The following PARD3B variants were observed in gnomAD, a reference collection of about 807,000 sequenced individuals.
The protein encoded by PARD3B is par-3 family cell polarity regulator beta.
A neutral mutation model predicts 130.2 loss-of-function variants in PARD3B; 103 were observed. The ratio of observed to expected loss-of-function variants is 0.79; its 90% CI spans 0.67 to 0.93. The LOEUF (loss-of-function observed/expected upper bound fraction) is 0.93, where lower values mean the gene tolerates loss of function less well. Among genes scored for constraint, PARD3B ranks in the 40% least tolerant of loss-of-function variants. The pLI, the probability that PARD3B is intolerant of heterozygous loss-of-function variation, is 0.00. For missense variants in PARD3B, 1,609 were observed against 1,499.2 expected, an observed-to-expected ratio of 1.07 and a Z score of -1.21; for synonymous variants, 583 against 553.2, an observed-to-expected ratio of 1.05 and a Z score of -0.76.
rs1358065010 is a variant in PARD3B, at chr2:204,887,821, T to C, written c.223-77331T>C. On this transcript the variant is annotated intron_variant, in intron 2 of 22. Transcript: ENST00000406610. This position sits in a 1 kb window ranked among gnomAD's most constrained non-coding sequence, Gnocchi z 4.2. ...CTACCAGAGGCATACGACCAGACAG[T>C]GCATGGTGCAATGCCAGAAGTTGAC... Among the ~76,000 whole-genome samples the C allele has an allele frequency of 6.6e-6, 1 of 152,224 alleles. No homozygotes were observed. Among genetic ancestry groups the C allele is most frequent in the East Asian group, 1.9e-4 (1 of 5,162 alleles).
rs372562294 is a variant in PARD3B, at chr2:204,610,800, T to A, written c.120+64681T>A. Among the ~76,000 whole-genome samples, 73 of 152,310 alleles carry A rather than the reference T, an allele frequency of 4.8e-4. 1 individual carries two copies. The South Asian group carries it at 0.015, about 32-fold the overall frequency. ...ATACATGGCCAGTGGTTCCAATCCATGTTACAGCTGTCCAACAATTGGAAG... is the reference window on the plus strand; with the variant it reads ...ATACATGGCCAGTGGTTCCAATCCAAGTTACAGCTGTCCAACAATTGGAAG... On this transcript the variant is annotated intron_variant, in intron 1 of 22. Transcript: ENST00000406610. This position sits in a 1 kb window ranked among gnomAD's most constrained non-coding sequence, Gnocchi z 4.1.
intron 2 of PARD3B, among the ~76,000 whole-genome samples, chr2:204,859,118 A>G (rs929575040): frequency 2.0e-5 from 3 of 152,096 alleles, no homozygotes; most frequent in African/African-American, 7.2e-5. Flanking sequence ...AAAAAATATG[A>G]CATTGAAGAC....
chr2:205,443,356 A>G (rs2047793418), intron 20 of PARD3B, among the ~76,000 whole-genome samples: 1 of 152,150 alleles, frequency 6.6e-6, no homozygotes, highest in South Asian at 2.1e-4. Flanking sequence ...GTAAGTATGT[A>G]TTTGACACCT....
chr2:205,615,416 C>G (rs1417963376), intron 22 of PARD3B, 40 bp from the exon 23 acceptor site: 5 of 1,526,060 alleles, frequency 3.3e-6, no homozygotes, highest in Non-Finnish European at 4.4e-6. Context: ...GGACGGCCAG[C>G]TTAGGAGCTG....
At chr2:205,197,143 G>A (rs2036744188) in intron 15 of PARD3B, among the ~76,000 whole-genome samples, 1 of 150,828 alleles carries the variant, frequency 6.6e-6, no homozygotes, top group Non-Finnish European at 1.5e-5. Flanking sequence ...GGAAACATTT[G>A]ATCAAGCTAC....
At position 205,592,242 on chromosome 2, in the gene PARD3B, A is replaced by C. The variant is rs975828841; in HGVS notation, c.3261-23214A>C. ...TCAGAGCCCAGTGCTCTTGTTTACT[A>C]TAGTGGGCTGAGCGTAACATCAAGG... On this transcript the variant is annotated intron_variant, in intron 22 of 22. Coordinates refer to ENST00000406610, the MANE Select transcript of PARD3B (RefSeq NM_001302769.2). The surrounding 1 kb of genome is among the most constrained non-coding windows in gnomAD (Gnocchi z 4.5). Among the ~76,000 whole-genome samples, 3 of 152,208 alleles carry C rather than the reference A, an allele frequency of 2.0e-5. No homozygotes were observed. The highest frequency in any genetic ancestry group is 4.4e-5 in the Non-Finnish European group (3 of 68,038).
intron 10 of PARD3B, among the ~76,000 whole-genome samples, chr2:205,139,738 A>C (rs2032792802): frequency 6.6e-6 from 1 of 152,226 alleles, no homozygotes; most frequent in Non-Finnish European, 1.5e-5. Context: ...TTGTAAAAAA[A>C]AAAACTGAGT....
intron 1 of PARD3B, among the ~76,000 whole-genome samples, chr2:204,571,722 A>G (rs1292345285): frequency 1.3e-5 from 2 of 152,220 alleles, no homozygotes; most frequent in African/African-American, 2.4e-5. Flanking sequence ...AAATAGCACT[A>G]TGTGTATTAG....
chr2:205,409,634 C>T (rs2046528894), intron 19 of PARD3B, among the ~76,000 whole-genome samples: 1 of 152,152 alleles, frequency 6.6e-6, no homozygotes, highest in South Asian at 2.1e-4. Context: ...GTCAGCCGAG[C>T]TGGATTAATA....
At chr2:204,835,370 A>G (rs1354196285) in intron 2 of PARD3B, among the ~76,000 whole-genome samples, 5 of 152,214 alleles carry the variant, frequency 3.3e-5, no homozygotes, top group Non-Finnish European at 7.3e-5. Flanking sequence ...GGGAAGAAAT[A>G]GCATTTAACC....
chr2:205,455,899 T>G (rs2048258603), intron 20 of PARD3B, among the ~76,000 whole-genome samples: 2 of 152,030 alleles, frequency 1.3e-5, no homozygotes, highest in South Asian at 4.1e-4. Context: ...TAGAACTATT[T>G]TCATCACCAC....
Position 204,673,144 on chromosome 2 carries a change from A to C in PARD3B, c.121-13037A>C, listed in dbSNP as rs2036385385. On this transcript the variant is annotated intron_variant, in intron 1 of 22. Coordinates refer to ENST00000406610, the MANE Select transcript of PARD3B (RefSeq NM_001302769.2). The surrounding 1 kb of genome is among the most constrained non-coding windows in gnomAD (Gnocchi z 4.7). The stretch of plus-strand genomic sequence containing the variant: ...ACTTTTTCCACGAAGCATTTTGGGG[A>C]GTATGCTGAATTATCCTATTTATGT... 6.6e-6 allele frequency among the ~76,000 whole-genome samples: 1 copy of C among 152,108 alleles called. No homozygotes were observed. The highest frequency in any genetic ancestry group is 1.5e-5 in the Non-Finnish European group (1 of 68,024).
At chr2:204,709,285 G>T (rs531184495) in intron 2 of PARD3B, among the ~76,000 whole-genome samples, 1 of 152,080 alleles carries the variant, frequency 6.6e-6, no homozygotes, top group Non-Finnish European at 1.5e-5. Context: ...AACATTCTCC[G>T]CATGATGCAG....
In PARD3B at chr2:205,091,164, GAA is replaced by G. The variant is rs1287181263; in HGVS notation, c.505-13261_505-13260del. ...GGAAGAGATTTAAGCATTAGAGGCT[GAA>G]GTTTTTCAACCCCAAAGTAGCCAAC... On this transcript the variant is annotated intron_variant, in intron 4 of 22. Coordinates refer to ENST00000406610, the MANE Select transcript of PARD3B (RefSeq NM_001302769.2). This position sits in a 1 kb window ranked among gnomAD's most constrained non-coding sequence, Gnocchi z 4.2. Among the ~76,000 whole-genome samples, 1 of 152,180 alleles carries G rather than the reference GAA, an allele frequency of 6.6e-6. No individual in the cohort carries two copies. Among genetic ancestry groups the G allele is most frequent in the Non-Finnish European group, 1.5e-5 (1 of 68,032 alleles).
chr2:205,339,794 A>G (rs2043450529), intron 18 of PARD3B, among the ~76,000 whole-genome samples: 1 of 152,150 alleles, frequency 6.6e-6, no homozygotes, highest in African/African-American at 2.4e-5. Context: ...ATGGTGACCA[A>G]TTTTATATAG....
intron 20 of PARD3B, among the ~76,000 whole-genome samples, chr2:205,478,050 A>G (rs2049087877): frequency 6.6e-6 from 1 of 152,212 alleles, no homozygotes. Flanking sequence ...ACTTCATCCA[A>G]CCTTCTACCA....
chr2:205,604,608 A>C (rs2054915756), intron 22 of PARD3B, among the ~76,000 whole-genome samples: 1 of 152,072 alleles, frequency 6.6e-6, no homozygotes, highest in African/African-American at 2.4e-5. Context: ...TTTGTAGGTG[A>C]CCTGGCCCTT....
intron 1 of PARD3B, among the ~76,000 whole-genome samples, chr2:204,641,504 A>G (rs2035075875): frequency 6.6e-6 from 1 of 151,844 alleles, no homozygotes; most frequent in South Asian, 2.1e-4. Flanking sequence ...TGTTATATTT[A>G]TAGTTGTTCA....
intron 20 of PARD3B, among the ~76,000 whole-genome samples, chr2:205,452,353 C>T (rs2048129943): frequency 6.6e-6 from 1 of 152,100 alleles, no homozygotes; most frequent in Non-Finnish European, 1.5e-5. Context: ...CTCATGACTT[C>T]GTGTGGCTGT....
Sources: gnomAD v4.1 joint callset for allele counts (sites outside exome capture counted in the v4.1 genomes callset) on GRCh38, gnomAD v4.1.1 for gene constraint, Gnocchi (gnomAD v3.1) non-coding constraint, MANE v1.5 for transcripts, NCBI Gene and HGNC (gene_info 2026-07-23, HGNC 2026-07-21) for gene names.